The following PNPLA7 variants were observed in gnomAD, a reference collection of about 807,000 sequenced individuals.
PNPLA7 encodes patatin-like phospholipase domain-containing protein 7.
In PNPLA7, 153 loss-of-function variants were observed where a neutral mutation model predicts 161.7. The ratio of observed to expected loss-of-function variants is 0.95; its 90% CI spans 0.83 to 1.08. The LOEUF is 1.08. Among genes scored for constraint, PNPLA7 ranks in the 50% least tolerant of loss-of-function variants. The pLI is 0.00. For missense variants in PNPLA7, 1,739 were observed against 1,856.6 expected (o/e 0.94, Z 1.16); for synonymous variants, 809 against 782.1 (o/e 1.03, Z -0.57).
chr9:137,478,080 G>A lies in PNPLA7; in HGVS notation c.2836C>T (p.Leu946=). 2.1e-6 allele frequency: 3 copies of A among 1,401,996 alleles called. No homozygotes were observed. The highest frequency in any genetic ancestry group is 2.8e-6 in the Non-Finnish European group (3 of 1,075,664). 86.8% of individuals were successfully genotyped at this position (1,401,996 alleles called of 1,614,324 possible). The change falls in exon 25 of 35, where the codon CTG becomes TTG. Residue 946 remains leucine (L), a synonymous_variant. Transcript: ENST00000406427. ...ACCAGGGCAATGGCGTTGCCCGTCA[G>A]CACCCTCGCCAGGCGGGAGAAGTCT... The part of the protein sequence containing the change: ...HSDFSRLARV[L]TGNAIALVLG...
intron 20 of PNPLA7, among the ~76,000 whole-genome samples, chr9:137,485,595 C>T (rs889444041): frequency 5.3e-5 from 8 of 152,262 alleles, no homozygotes; most frequent in Non-Finnish European, 4.4e-5. Flanking sequence ...AAACAACACA[C>T]GGGCTAGACA....
chr9:137,466,749 C>G (rs1358492301), intron 26 of PNPLA7, among the ~76,000 whole-genome samples: 2 of 148,380 alleles, frequency 1.3e-5, no homozygotes, highest in African/African-American at 5.0e-5. Flanking sequence ...TCCACCAACT[C>G]AGACCCGGGC....
At chr9:137,480,573 C>G (rs1159912316) in intron 22 of PNPLA7, 93 bp from the exon 23 acceptor site, 2 of 1,371,534 alleles carry the variant, frequency 1.5e-6, no homozygotes, top group African/African-American at 2.9e-5. Context: ...GAGGCCAGCA[C>G]CAGCCGCTGC....
At chr9:137,518,568 T>C (rs1191676975) in intron 11 of PNPLA7, among the ~76,000 whole-genome samples, 4 of 36,454 alleles carry the variant, frequency 1.1e-4, no homozygotes, top group South Asian at 1.7e-3. Flanking sequence ...CTCCACTCTG[T>C]CCACTCCATC....
intron 25 of PNPLA7, among the ~76,000 whole-genome samples, chr9:137,475,008 C>A (rs1831878401): frequency 3.4e-5 from 2 of 58,926 alleles, no homozygotes; most frequent in African/African-American, 1.8e-4. Context: ...AAGACTCTGC[C>A]TCAAAAAAAA....
At chr9:137,503,901 G>A (rs1336288519) in intron 14 of PNPLA7, among the ~76,000 whole-genome samples, 15 of 92,464 alleles carry the variant, frequency 1.6e-4, no homozygotes, top group Admixed American at 4.0e-4. Flanking sequence ...AGAAGAAGAA[G>A]GAAGAAGAAA....
At position 137,479,249 on chromosome 9, in the gene PNPLA7, G is replaced by C; in HGVS notation, c.2581-11C>G. ...CAGCATCCGCTCCAGCTGAAAGGCAGAGCCCACGTGTCTGCCAGCCGGGTG... is the reference window on the plus strand; with the variant it reads ...CAGCATCCGCTCCAGCTGAAAGGCACAGCCCACGTGTCTGCCAGCCGGGTG... On this transcript the variant is annotated splice_polypyrimidine_tract_variant and intron_variant, in intron 23 of 34. Transcript: ENST00000406427. 2 of 1,513,410 alleles carry C rather than the reference G, an allele frequency of 1.3e-6. No individual in the cohort carries two copies. The highest frequency in any genetic ancestry group is 1.8e-6 in the Non-Finnish European group (2 of 1,123,404). The allele number at this position is 1,513,410 out of a possible 1,614,324, so 93.7% of individuals were successfully genotyped here. A position where few individuals can be genotyped will look rare whatever the true frequency, so the allele number is the denominator to read the frequency against.
chr9:137,478,955 C>G (rs908817886), intron 24 of PNPLA7, 101 bp downstream of exon 24: 22 of 1,375,382 alleles, frequency 1.6e-5, no homozygotes, highest in Non-Finnish European at 2.1e-5. Context: ...CCCAGGAGCG[C>G]AGGTGTCAGG....
chr9:137,463,154 G>C, intron 29 of PNPLA7: 1 of 588,066 alleles, frequency 1.7e-6, no homozygotes, highest in Non-Finnish European at 3.0e-6. Context: ...TCCTCGACTT[G>C]GCCTTTGTTC....
intron 14 of PNPLA7, among the ~76,000 whole-genome samples, chr9:137,502,272 C>A (rs1043621994): frequency 1.3e-5 from 2 of 152,098 alleles, no homozygotes; most frequent in African/African-American, 4.8e-5. Context: ...GGGCACCACA[C>A]CCACGAAGGT....
chr9:137,464,282 G>A (rs1831362753), intron 27 of PNPLA7, 58 bp downstream of exon 27: 10 of 1,604,706 alleles, frequency 6.2e-6, no homozygotes, highest in Admixed American at 1.7e-5. Flanking sequence ...CAAGAGGTGG[G>A]GGGCCAGGAG....
At position 137,546,789 on chromosome 9, in the gene PNPLA7, G is replaced by A. The variant is rs112474417; in HGVS notation, c.273+41C>T. On this transcript the variant is annotated intron_variant, in intron 4 of 34. Coordinates refer to ENST00000406427, the MANE Select transcript of PNPLA7 (RefSeq NM_001098537.3). ...GGGTCCCTCCCACAGGGGCCTGCTC[G>A]AGGAAGCCGTGTGCAGCCTGGGGCC... is the stretch of plus-strand genomic sequence containing the variant. 46 of 1,596,422 alleles carry A rather than the reference G, an allele frequency of 2.9e-5. 1 individual carries two copies. In the Middle Eastern group the frequency reaches 6.7e-4, roughly 23 times the overall value.
chr9:137,480,257 A>G, intron 23 of PNPLA7, 55 bp downstream of exon 23: 2 of 1,553,398 alleles, frequency 1.3e-6, no homozygotes, highest in Non-Finnish European at 8.7e-7. Flanking sequence ...AAAGAGAAAC[A>G]GGAGGTTCTG....
intron 8 of PNPLA7, among the ~76,000 whole-genome samples, chr9:137,529,883 T>C (rs924724123): frequency 3.3e-5 from 5 of 152,154 alleles, no homozygotes; most frequent in African/African-American, 9.6e-5. Context: ...GGTGTGGAAC[T>C]CCTGACCTCA....
At chr9:137,510,249 A>C (rs1169656878) in intron 12 of PNPLA7, among the ~76,000 whole-genome samples, 2 of 152,088 alleles carry the variant, frequency 1.3e-5, no homozygotes, top group African/African-American at 4.8e-5. Flanking sequence ...CCTCTTGTGG[A>C]GGGCCTGACA....
rs765906182 is a variant in PNPLA7, at chr9:137,498,126, C to T, written c.1877G>A (p.Arg626Gln). 3.1e-6 allele frequency: 5 copies of T among 1,612,866 alleles called. No homozygotes were observed. Among genetic ancestry groups the T allele is most frequent in the East Asian group, 2.2e-5 (1 of 44,888 alleles). The change falls in exon 17 of 35, where the codon CGA becomes CAA. Residue 626 changes from arginine (R) to glutamine (Q), a missense_variant. Arg to Gln is a conservative substitution (Grantham distance 43). Around this residue, in one of 6 missense-constraint regions of PNPLA7, gnomAD observed 481 missense variants for 450.0 expected, o/e 1.07. Coordinates refer to ENST00000406427, the MANE Select transcript of PNPLA7 (RefSeq NM_001098537.3). The part of the protein sequence containing the change: ...ALDWVEVEAG[R>Q]AIYRQGDKSD... ...CCCACGGCCTCACCTGTATATTGCT[C>T]GCCCGGCCTCCACCTCCACCCAGTC...
chr9:137,488,873 C>A (rs368517411), intron 20 of PNPLA7, among the ~76,000 whole-genome samples: 2 of 148,150 alleles, frequency 1.3e-5, no homozygotes, highest in African/African-American at 2.5e-5. Context: ...CAACTGTGTA[C>A]CCCCTAACCA....
chr9:137,477,983 A>G, intron 25 of PNPLA7, 51 bp downstream of exon 25: 1 of 1,264,624 alleles, frequency 7.9e-7, no homozygotes, highest in Non-Finnish European at 1.0e-6. Context: ...CGAGGGGGCG[A>G]CTGTCACCAC....
intron 23 of PNPLA7, chr9:137,479,795 C>T (rs751008393): frequency 2.0e-6 from 2 of 985,456 alleles, no homozygotes; most frequent in South Asian, 4.7e-5. Flanking sequence ...CAGTGATCTG[C>T]TGCCATCTGG....
Sources: allele counts gnomAD v4.1 joint callset (sites outside exome capture counted in the v4.1 genomes callset), GRCh38; gene constraint gnomAD v4.1.1; regional missense constraint gnomAD v4.1.1; transcripts MANE v1.5; gene names NCBI Gene and HGNC (gene_info 2026-07-23, HGNC 2026-07-21).